Variants in SMPX observed in about 807,000 individuals in gnomAD.
SMPX encodes the protein small muscle protein X-linked.
In SMPX, 2 loss-of-function variants were observed where a neutral mutation model predicts 6.3. The ratio of observed to expected loss-of-function variants is 0.32; its 90% CI spans 0.13 to 0.99. SMPX has a LOEUF of 0.99. Ranked by LOEUF, SMPX falls within the 50% of genes least tolerant of loss-of-function variation. SMPX has a pLI of 0.49. For synonymous variants in SMPX, 32 were observed against 24.7 expected, an observed-to-expected ratio of 1.30 and a Z score of -0.88; for missense variants, 60 against 66.8, an observed-to-expected ratio of 0.90 and a Z score of 0.36.
chrX:21,731,570 A>ATGTGTATATATACACAT (rs1569306615), intron 4 of SMPX, among the ~76,000 whole-genome samples: 1,116 of 40,078 alleles, frequency 0.028, 182 homozygotes, highest in East Asian at 0.079. Context: ...CATTATGTGT[A>ATGTGTATATATACACAT]TATGTGTATA....
chrX:21,715,265 T>C (rs2092783089), intron 4 of SMPX, among the ~76,000 whole-genome samples: 2 of 36,636 alleles, frequency 5.5e-5, no homozygotes, highest in Admixed American at 4.0e-4. Flanking sequence ...CTCTGCTCTG[T>C]GTGTGTGTGT....
intron 1 of SMPX, among the ~76,000 whole-genome samples, chrX:21,754,794 G>T (rs2095592785): frequency 8.9e-6 from 1 of 111,846 alleles, no homozygotes; most frequent in Admixed American, 9.4e-5. Flanking sequence ...TTCCTTAACG[G>T]CTGCGATGCT....
intron 2 of SMPX, among the ~76,000 whole-genome samples, chrX:21,745,674 T>C (rs2092820681): frequency 9.0e-6 from 1 of 111,618 alleles, no homozygotes; most frequent in African/African-American, 3.3e-5. Flanking sequence ...AAAATCAATA[T>C]ACGGACTATT....
chrX:21,754,097 A>G, intron 2 of SMPX, 149 bp downstream of exon 2: 1 of 561,669 alleles, frequency 1.8e-6, no homozygotes, highest in Non-Finnish European at 3.2e-6. Flanking sequence ...AGTTGTACCT[A>G]ACTGGTTTTA....
chrX:21,716,912 G>A (rs1020707391), intron 4 of SMPX, among the ~76,000 whole-genome samples: 3 of 112,227 alleles, frequency 2.7e-5, no homozygotes, highest in African/African-American at 9.7e-5. Context: ...GTTTTACAAT[G>A]TAAATCTTTT....
At chrX:21,744,435 G>A (rs759571292) in intron 2 of SMPX, among the ~76,000 whole-genome samples, 2 of 111,762 alleles carry the variant, frequency 1.8e-5, no homozygotes, top group African/African-American at 3.3e-5. Context: ...AGTTCCCTTC[G>A]TATCACCACC....
chrX:21,715,262 C>CTGTGTGTGTGTGTGTGTGTG (rs34947234), intron 4 of SMPX, among the ~76,000 whole-genome samples: 1 of 94,606 alleles, frequency 1.1e-5, no homozygotes, highest in African/African-American at 4.0e-5. Context: ...TCACTCTGCT[C>CTGTGTGTGTGTGTGTGTGTG]TGTGTGTGTG....
At chrX:21,720,782 C>G (rs1602101043) in intron 4 of SMPX, among the ~76,000 whole-genome samples, 1 of 112,497 alleles carries the variant, frequency 8.9e-6, no homozygotes, top group East Asian at 2.8e-4. Flanking sequence ...GTGGGCAACA[C>G]AGCTGGCTGA....
At chrX:21,753,286 A>G (rs960358366) in intron 2 of SMPX, among the ~76,000 whole-genome samples, 4 of 111,634 alleles carry the variant, frequency 3.6e-5, no homozygotes, top group African/African-American at 1.3e-4. Flanking sequence ...ACAGGTAAAG[A>G]TCTGTCCCTC....
At chrX:21,715,602 CTGGGGAGAGGCCTGAGACCACATAT>C (rs1367802778) in intron 4 of SMPX, among the ~76,000 whole-genome samples, 21 of 110,941 alleles carry the variant, frequency 1.9e-4, no homozygotes, top group East Asian at 8.5e-4. Flanking sequence ...CTCAGGAGGT[CTGGGGAGAGGCCTGAGACCACATAT>C]ATCTAGTAAC....
At chrX:21,730,108 C>A (rs367918043) in intron 4 of SMPX, among the ~76,000 whole-genome samples, 17 of 111,987 alleles carry the variant, frequency 1.5e-4, no homozygotes, top group African/African-American at 5.5e-4. Context: ...AGCATAAAAC[C>A]ATTTCCTTCA....
chrX:21,715,911 G>C (rs905063430), intron 4 of SMPX, among the ~76,000 whole-genome samples: 2 of 111,528 alleles, frequency 1.8e-5, no homozygotes, highest in African/African-American at 6.5e-5. Context: ...CAATAGTGCT[G>C]AGGTGGAAAA....
intron 4 of SMPX, among the ~76,000 whole-genome samples, chrX:21,726,683 G>A (rs973138607): frequency 1.8e-5 from 2 of 112,047 alleles, no homozygotes; most frequent in African/African-American, 6.5e-5. Flanking sequence ...TGAATGCCAA[G>A]AGTACCCACC....
In SMPX at chrX:21,706,369, T is replaced by A. The variant is rs1226954211; in HGVS notation, c.*40A>T. On this transcript the variant is annotated 3_prime_UTR_variant, in exon 5 of 5. Coordinates refer to ENST00000379494, the MANE Select transcript of SMPX (RefSeq NM_014332.3). ...TTAGTGAGCTATTGAATCCATCTTC[T>A]GCCTCTTTATTTCTTCACATCAATC... The A allele has an allele frequency of 4.0e-5, 17 of 424,013 alleles. No homozygotes were observed. In the East Asian group the frequency reaches 7.9e-4, roughly 20 times the overall value. 34.9% of individuals were successfully genotyped at this position (424,013 alleles called of 1,213,427 possible).
At chrX:21,739,650 A>G (rs751515937) in intron 3 of SMPX, among the ~76,000 whole-genome samples, 98 of 112,562 alleles carry the variant, frequency 8.7e-4, no homozygotes, top group African/African-American at 3.1e-3. Context: ...GCTTTCAGAA[A>G]GAATTTTTTA....
Position 21,737,707 on chromosome X carries a change from A to T in SMPX, c.133-10T>A. The T allele has an allele frequency of 8.3e-7, 1 of 1,209,195 alleles. No individual in the cohort carries two copies. Among genetic ancestry groups the T allele is most frequent in the Non-Finnish European group, 1.1e-6 (1 of 893,179 alleles). ...AGGTGGGAGGAACACCCTGAAGAGC[A>T]AGGAGAAGAAATCCAACTCACCAAA... On this transcript the variant is annotated splice_polypyrimidine_tract_variant and intron_variant, in intron 3 of 4. Transcript: ENST00000379494.
In SMPX at chrX:21,706,293, G is replaced by A; in HGVS notation, c.*116C>T. ...ATGTACAAACAGGCCATTTCTGCTAGAGTCTCAGGCATTCAGGAGGTTCAC... is the reference window on the plus strand; with the variant it reads ...ATGTACAAACAGGCCATTTCTGCTAAAGTCTCAGGCATTCAGGAGGTTCAC... On this transcript the variant is annotated 3_prime_UTR_variant, in exon 5 of 5. Transcript: ENST00000379494. 2.0e-6 allele frequency: 1 copy of A among 496,531 alleles called. No homozygotes were observed. Among genetic ancestry groups the A allele is most frequent in the Non-Finnish European group, 3.6e-6 (1 of 276,367 alleles). 40.9% of individuals were successfully genotyped at this position (496,531 alleles called of 1,213,427 possible). A position where few individuals can be genotyped will look rare whatever the true frequency, so the allele number is the denominator to read the frequency against.
chrX:21,717,266 T>G (rs1373949404), intron 4 of SMPX, among the ~76,000 whole-genome samples: 1 of 111,968 alleles, frequency 8.9e-6, no homozygotes, highest in Non-Finnish European at 1.9e-5. Flanking sequence ...GATAGTTTTA[T>G]AAGGGGCTTT....
chrX:21,734,312 G>A (rs769603856), intron 4 of SMPX, among the ~76,000 whole-genome samples: 88 of 111,677 alleles, frequency 7.9e-4, no homozygotes, highest in African/African-American at 2.5e-3. Context: ...AGCCCAGAGC[G>A]GTTCTGCAGG....
Sources: allele counts gnomAD v4.1 joint callset (sites outside exome capture counted in the v4.1 genomes callset), GRCh38; gene constraint gnomAD v4.1.1; transcripts MANE v1.5; gene names NCBI Gene and HGNC (gene_info 2026-07-23, HGNC 2026-07-21).